RBL1: variants seen among roughly 807,000 people sequenced by gnomAD.
The protein encoded by RBL1 is RB transcriptional corepressor like 1.
In RBL1, 82 loss-of-function variants were observed where a neutral mutation model predicts 123.0. That is an observed-to-expected ratio of 0.67 (90% CI 0.56 to 0.80). The LOEUF is 0.80. RBL1 is among the 30% of genes least tolerant of loss of function. The probability of loss-of-function intolerance (pLI) is 0.00; values close to 1 mark genes in which losing one functional copy is unlikely to be tolerated. For missense variants in RBL1, 1,171 were observed against 1,299.6 expected (o/e 0.90, Z 1.52); for synonymous variants, 405 against 441.3 (o/e 0.92, Z 1.03).
intron 19 of RBL1, among the ~76,000 whole-genome samples, chr20:37,014,035 A>G (rs2064208507): frequency 6.6e-6 from 1 of 151,440 alleles, no homozygotes; most frequent in African/African-American, 2.4e-5. Context: ...AAGGTGACTT[A>G]TCTGAATATA....
intron 11 of RBL1, among the ~76,000 whole-genome samples, 169 bp from the exon 12 acceptor site, chr20:37,047,359 A>AT (rs1250703269): frequency 6.6e-6 from 1 of 152,218 alleles, no homozygotes; most frequent in East Asian, 1.9e-4. Flanking sequence ...TATAATACCT[A>AT]TTCTTGCTCA....
chr20:37,035,272 T>A lies in RBL1; in HGVS notation c.2140A>T (p.Thr714Ser). 6.2e-7 allele frequency: 1 copy of A among 1,613,960 alleles called. No individual in the cohort carries two copies. Among genetic ancestry groups the A allele is most frequent in the Non-Finnish European group, 8.5e-7 (1 of 1,179,820 alleles). ...AATGGAATTGTAACTTTATGTCCTG[T>A]TGTTCCTGTTACTGGGGCTGTGGCC... The part of the protein sequence containing the change: ...TMATAPVTGT[T>S]GHKVTIPLHG... Residue 714 changes from threonine (T) to serine (S), a missense_variant, in exon 15 of 22, where the codon ACA becomes TCA. Physicochemically the swap from Thr to Ser is moderately conservative, Grantham distance 58. Transcript: ENST00000373664.
intron 2 of RBL1, among the ~76,000 whole-genome samples, chr20:37,073,359 C>G (rs138786762): frequency 5.3e-5 from 8 of 152,106 alleles, no homozygotes; most frequent in African/African-American, 1.9e-4. Context: ...AAATAAGAAG[C>G]AAAGTAAACT....
Position 37,066,666 on chromosome 20 carries a change from C to T in RBL1, c.846+58G>A. The T allele has an allele frequency of 8.0e-6, 12 of 1,492,510 alleles. No homozygotes were observed. In the Admixed American group the frequency reaches 1.0e-4, roughly 13 times the overall value. 92.5% of individuals were successfully genotyped at this position (1,492,510 alleles called of 1,614,324 possible). Reference sequence around the variant, plus strand: ...GAGAACTTGCTTAAAACATTTTTTTCTTTTCACATTACTGGTGATCTGTAA... The same window carrying T: ...GAGAACTTGCTTAAAACATTTTTTTTTTTTCACATTACTGGTGATCTGTAA... On this transcript the variant is annotated intron_variant, in intron 6 of 21. Coordinates refer to ENST00000373664, the MANE Select transcript of RBL1 (RefSeq NM_002895.5).
intron 2 of RBL1, among the ~76,000 whole-genome samples, chr20:37,084,763 A>G (rs929003933): frequency 4.6e-5 from 7 of 152,160 alleles, no homozygotes; most frequent in African/African-American, 1.7e-4. Flanking sequence ...ATATTTGTAC[A>G]TAGGAAGACC....
At chr20:37,022,577 T>C (rs1393254327) in intron 17 of RBL1, 73 bp downstream of exon 17, 1 of 1,394,412 alleles carries the variant, frequency 7.2e-7, no homozygotes, top group East Asian at 2.4e-5. Flanking sequence ...TCTGCTCACC[T>C]TGACCTCCGA....
intron 14 of RBL1, among the ~76,000 whole-genome samples, 175 bp from the exon 15 acceptor site, chr20:37,035,683 G>A (rs2064599673): frequency 6.6e-6 from 1 of 152,178 alleles, no homozygotes. Flanking sequence ...CATGAAATAA[G>A]TCACTACGAT....
At chr20:37,020,511 T>A (rs2064325488) in intron 18 of RBL1, 148 bp downstream of exon 18, 3 of 631,000 alleles carry the variant, frequency 4.8e-6, no homozygotes, top group Middle Eastern at 4.2e-4. Context: ...TGTCCTTCAA[T>A]GAAATTATCT....
At position 37,020,749 on chromosome 20, in the gene RBL1, G is replaced by A. The variant is rs200904818; in HGVS notation, c.2560-19C>T. 4.6e-5 allele frequency: 69 copies of A among 1,500,874 alleles called. 1 individual carries two copies. Among genetic ancestry groups the A allele is most frequent in the Admixed American group, 1.9e-4 (9 of 47,358 alleles). The allele number at this position is 1,500,874 out of a possible 1,614,324, so 93.0% of individuals were successfully genotyped here. ...TTGTTACCTAAGGAAAATAAAAACC[G>A]CATTTATCAACTGCTTTTTGAAAGA... On this transcript the variant is annotated intron_variant, in intron 17 of 21. Transcript: ENST00000373664.
chr20:37,050,535 A>T, intron 11 of RBL1, among the ~76,000 whole-genome samples: 1 of 120,512 alleles, frequency 8.3e-6, no homozygotes, highest in East Asian at 2.9e-4. Flanking sequence ...GCAGAGCAAG[A>T]CTCTGTCTCA....
intron 2 of RBL1, among the ~76,000 whole-genome samples, chr20:37,087,939 T>C (rs1035438402): frequency 6.6e-6 from 1 of 152,218 alleles, no homozygotes; most frequent in South Asian, 2.1e-4. Context: ...TACAAATGTA[T>C]GCTACTTAGA....
At chr20:37,017,563 C>A (rs115444068) in intron 19 of RBL1, among the ~76,000 whole-genome samples, 10 of 151,618 alleles carry the variant, frequency 6.6e-5, no homozygotes, top group African/African-American at 2.4e-4. Context: ...AGGGTGCAGT[C>A]TTGCCTGTGG....
rs2063894033 is a variant in RBL1 at position 36,996,811 on chromosome 20, T to A, written c.*1948A>T. The A allele has an allele frequency of 6.6e-6, 1 of 152,212 alleles. No individual in the cohort carries two copies. The highest frequency in any genetic ancestry group is 2.1e-4 in the South Asian group (1 of 4,836). The allele number at this position is 152,212 out of a possible 1,614,324, so 9.4% of individuals were successfully genotyped here. On this transcript the variant is annotated 3_prime_UTR_variant, in exon 22 of 22. Transcript: ENST00000373664. ...ACAATAATGAAGATAAAAATAACAA[T>A]TATAGCAACATACAAATATGTACAA...
chr20:37,063,882 G>T (rs1216916399), intron 7 of RBL1, among the ~76,000 whole-genome samples: 1 of 151,192 alleles, frequency 6.6e-6, no homozygotes, highest in Non-Finnish European at 1.5e-5. Context: ...AAGTGCAGTG[G>T]TGCAATCATG....
intron 2 of RBL1, among the ~76,000 whole-genome samples, chr20:37,070,824 G>A (rs2065271465): frequency 6.6e-6 from 1 of 151,922 alleles, no homozygotes; most frequent in African/African-American, 2.4e-5. Context: ...ATGTTAACGT[G>A]GTCTTAGATA....
intron 2 of RBL1, among the ~76,000 whole-genome samples, chr20:37,071,855 T>G (rs2065286307): frequency 1.3e-5 from 2 of 151,980 alleles, no homozygotes; most frequent in African/African-American, 4.8e-5. Context: ...ATGTGCCTCC[T>G]CCCCCTTCAC....
At chr20:37,070,332 C>T (rs980364266) in intron 2 of RBL1, among the ~76,000 whole-genome samples, 6 of 152,100 alleles carry the variant, frequency 3.9e-5, no homozygotes, top group Non-Finnish European at 8.8e-5. Flanking sequence ...ACAAACACCG[C>T]GGAAGGCCGC....
chr20:37,037,445 A>C (rs905955012), intron 14 of RBL1, among the ~76,000 whole-genome samples: 5 of 152,230 alleles, frequency 3.3e-5, no homozygotes, highest in African/African-American at 9.6e-5. Context: ...AGTTTAAACT[A>C]TTCTTGCTAA....
intron 12 of RBL1, among the ~76,000 whole-genome samples, chr20:37,045,687 T>C (rs772923640): frequency 2.6e-4 from 40 of 152,296 alleles, no homozygotes; most frequent in Admixed American, 1.1e-3. Flanking sequence ...TTTTTCCTAA[T>C]GGCAAAAGTT....
Sources: gnomAD v4.1 joint callset for allele counts (sites outside exome capture counted in the v4.1 genomes callset) on GRCh38, gnomAD v4.1.1 for gene constraint, MANE v1.5 for transcripts, NCBI Gene and HGNC (gene_info 2026-07-23, HGNC 2026-07-21) for gene names.